Variants in SPP1 observed in about 807,000 individuals in gnomAD.
The protein encoded by SPP1 is secreted phosphoprotein 1, also known as osteopontin.
In SPP1, 18 loss-of-function variants were observed where a neutral mutation model predicts 20.8. The ratio of observed to expected loss-of-function variants is 0.87; its 90% CI spans 0.60 to 1.29. SPP1 has a LOEUF of 1.29. Among genes scored for constraint, SPP1 ranks in the 50% most tolerant of loss-of-function variants. The pLI, the probability that SPP1 is intolerant of heterozygous loss-of-function variation, is 0.00. For synonymous variants in SPP1, 146 were observed against 141.5 expected, an observed-to-expected ratio of 1.03 and a Z score of -0.23; for missense variants, 363 against 389.0, an observed-to-expected ratio of 0.93 and a Z score of 0.56.
intron 4 of SPP1, 93 bp downstream of exon 4, chr4:87,980,219 T>C (rs951881553): frequency 6.2e-5 from 93 of 1,488,228 alleles, no homozygotes; most frequent in Non-Finnish European, 8.6e-5. Context: ...GCCTGCCTGC[T>C]GGCAAACATG....
intron 3 of SPP1, chr4:87,978,169 A>G (rs1725464366): frequency 6.5e-6 from 1 of 153,048 alleles, no homozygotes; most frequent in Non-Finnish European, 1.5e-5. Context: ...GAAAATACAC[A>G]CTGGTTATCT....
chr4:87,978,528 G>C (rs981287301), intron 3 of SPP1, among the ~76,000 whole-genome samples: 5 of 151,070 alleles, frequency 3.3e-5, no homozygotes, highest in Admixed American at 6.6e-5. Flanking sequence ...GACTACAGGC[G>C]CCCGCCACCA....
Position 87,982,777 on chromosome 4 carries a change from CA to C in SPP1, c.827del (p.His276LeufsTer12). The C allele has an allele frequency of 6.2e-7, 1 of 1,614,118 alleles. No homozygotes were observed. The highest frequency in any genetic ancestry group is 8.5e-7 in the Non-Finnish European group (1 of 1,180,016). ...LSKVSREFHSHEFHSHEDMLV... is the reference protein window; with the variant it reads ...LSKVSREFHSXEFHSHEDMLV... ...CAAAGTCAGCCGTGAATTCCACAGC[CA>C]TGAATTTCACAGCCATGAAGATATG... On this transcript the variant is annotated frameshift_variant, in exon 7 of 7. Coordinates refer to ENST00000395080, the MANE Select transcript of SPP1 (RefSeq NM_001040058.2). LOFTEE classifies it low-confidence loss of function (END_TRUNC).
In SPP1 at chr4:87,981,503, A is replaced by T. The variant is rs1345786550; in HGVS notation, c.245A>T (p.His82Leu). The change falls in exon 6 of 7, where the codon CAT becomes CTT. Residue 82 changes from histidine to leucine, a missense_variant. Coordinates refer to ENST00000395080, the MANE Select transcript of SPP1 (RefSeq NM_001040058.2). The stretch of plus-strand genomic sequence containing the variant: ...CTTCCAAGTAAGTCCAACGAAAGCC[A>T]TGACCACATGGATGATATGGATGAT... ...ETLPSKSNESHDHMDDMDDED... is the reference protein window; with the variant it reads ...ETLPSKSNESLDHMDDMDDED... 5 of 1,614,198 alleles carry T rather than the reference A, an allele frequency of 3.1e-6. No homozygotes were observed. Among genetic ancestry groups the T allele is most frequent in the Non-Finnish European group, 4.2e-6 (5 of 1,180,032 alleles).
At position 87,982,691 on chromosome 4, in the gene SPP1, A is replaced by G; in HGVS notation, c.740A>G (p.Lys247Arg). 6.2e-6 allele frequency: 10 copies of G among 1,614,148 alleles called. No homozygotes were observed. Among genetic ancestry groups the G allele is most frequent in the Non-Finnish European group, 8.5e-6 (10 of 1,180,030 alleles). Reference sequence around the variant, plus strand: ...AGCCACAAGCAGTCCAGATTATATAAGCGGAAAGCCAATGATGAGAGCAAT... The same window carrying G: ...AGCCACAAGCAGTCCAGATTATATAGGCGGAAAGCCAATGATGAGAGCAAT... ...THSHKQSRLYKRKANDESNEH... is the reference protein window; with the variant it reads ...THSHKQSRLYRRKANDESNEH... The change falls in exon 7 of 7, where the codon AAG becomes AGG. Residue 247 changes from lysine to arginine, a missense_variant. Transcript: ENST00000395080.
At chr4:87,979,041 C>G (rs193040816) in intron 3 of SPP1, among the ~76,000 whole-genome samples, 1 of 152,118 alleles carries the variant, frequency 6.6e-6, no homozygotes, top group African/African-American at 2.4e-5. Context: ...CACCTTACAG[C>G]AATAGAACTT....
At chr4:87,980,015 T>A in intron 3 of SPP1, 31 bp from the exon 4 acceptor site, 3 of 1,608,618 alleles carry the variant, frequency 1.9e-6, no homozygotes, top group Non-Finnish European at 2.6e-6. Flanking sequence ...TTTCTTTTTT[T>A]AATAATGATA....
intron 6 of SPP1, 138 bp downstream of exon 6, chr4:87,981,936 C>A (rs1051708471): frequency 2.6e-6 from 2 of 768,452 alleles, no homozygotes; most frequent in Non-Finnish European, 4.1e-6. Flanking sequence ...ACTTTATGAC[C>A]ATTGAATACA....
Position 87,980,130 on chromosome 4 carries a change from T to G in SPP1, c.174+4T>G. ...GCAGAATCTCCTAGCCCCACAGGTA[T>G]TTTTAAACTTCTCATAATTAAACTA... On this transcript the variant is annotated splice_donor_region_variant and intron_variant, in intron 4 of 6. Transcript: ENST00000395080. The G allele has an allele frequency of 6.2e-7, 1 of 1,614,098 alleles. No individual in the cohort carries two copies. The highest frequency in any genetic ancestry group is 1.7e-5 in the Admixed American group (1 of 60,020).
rs140384900 is a variant in SPP1, at chr4:87,982,862, A to G, written c.911A>G (p.His304Arg). ...AAACACCTGAAATTTCGTATTTCTC[A>G]TGAATTAGATAGTGCATCTTCTGAG... ...EDKHLKFRIS[H>R]ELDSASSEVN The change falls in exon 7 of 7, where the codon CAT becomes CGT. Residue 304 changes from histidine (H) to arginine (R), a missense_variant. Transcript: ENST00000395080. 7 of 1,613,816 alleles carry G rather than the reference A, an allele frequency of 4.3e-6. No homozygotes were observed. Among genetic ancestry groups the G allele is most frequent in the Non-Finnish European group, 5.9e-6 (7 of 1,179,854 alleles).
chr4:87,977,404 G>A (rs1177984919), intron 3 of SPP1, among the ~76,000 whole-genome samples: 1 of 152,178 alleles, frequency 6.6e-6, no homozygotes, highest in African/African-American at 2.4e-5. Flanking sequence ...TCCACATACT[G>A]ATCTAAAAGC....
chr4:87,978,953 C>T (rs987730696), intron 3 of SPP1, among the ~76,000 whole-genome samples: 1 of 152,146 alleles, frequency 6.6e-6, no homozygotes, highest in African/African-American at 2.4e-5. Flanking sequence ...ATTTCCACTC[C>T]TTTGCAGTAG....
intron 5 of SPP1, among the ~76,000 whole-genome samples, chr4:87,981,104 T>TAAAAA (rs1725622243): frequency 6.6e-6 from 1 of 152,110 alleles, no homozygotes; most frequent in Admixed American, 6.5e-5. Flanking sequence ...TCATTTCAAA[T>TAAAAA]AAAAAAACCA....
rs748031580 is a variant in SPP1, at chr4:87,980,418, A to G, written c.200A>G (p.Asn67Ser). 16 of 1,614,014 alleles carry G rather than the reference A, an allele frequency of 9.9e-6. No homozygotes were observed. The highest frequency in any genetic ancestry group is 1.3e-5 in the African/African-American group (1 of 74,928). The change falls in exon 5 of 7, where the codon AAT (asparagine) becomes AGT (serine). Residue 67 changes from asparagine to serine, a missense_variant. Physicochemically the swap from Asn to Ser is conservative, Grantham distance 46. Coordinates refer to ENST00000395080, the MANE Select transcript of SPP1 (RefSeq NM_001040058.2). ...AATGCTGTGTCCTCTGAAGAAACCA[A>G]TGACTTTAAACAAGAGGTAAGTTCT... is the stretch of plus-strand genomic sequence containing the variant. ...PQNAVSSEET[N>S]DFKQETLPSK...
chr4:87,979,079 C>A (rs1725532540), intron 3 of SPP1, among the ~76,000 whole-genome samples: 1 of 151,698 alleles, frequency 6.6e-6, no homozygotes, highest in East Asian at 1.9e-4. Context: ...TATTATATTT[C>A]TACATTGGCT....
At chr4:87,978,246 T>TA (rs1406977083) in intron 3 of SPP1, among the ~76,000 whole-genome samples, 1 of 152,176 alleles carries the variant, frequency 6.6e-6, no homozygotes, top group East Asian at 1.9e-4. Flanking sequence ...TTCTTCATAT[T>TA]AGTTTTTAAA....
chr4:87,982,436 C>A, intron 6 of SPP1, 56 bp from the exon 7 acceptor site: 1 of 1,566,536 alleles, frequency 6.4e-7, no homozygotes, highest in East Asian at 2.2e-5. Context: ...AAAGGATTAC[C>A]ATATTCCCAT....
chr4:87,979,415 C>T (rs952175452), intron 3 of SPP1, among the ~76,000 whole-genome samples: 11 of 151,954 alleles, frequency 7.2e-5, no homozygotes, highest in Admixed American at 2.0e-4. Context: ...CCTCGTGATC[C>T]GCCTGCCTCG....
chr4:87,978,355 T>C (rs1725480578), intron 3 of SPP1, among the ~76,000 whole-genome samples: 1 of 151,572 alleles, frequency 6.6e-6, no homozygotes, highest in Non-Finnish European at 1.5e-5. Context: ...AGAAAAACTC[T>C]GAACTCATCT....
Sources: gnomAD v4.1 joint callset for allele counts (sites outside exome capture counted in the v4.1 genomes callset) on GRCh38, gnomAD v4.1.1 for gene constraint, MANE v1.5 for transcripts, NCBI Gene and HGNC (gene_info 2026-07-23, HGNC 2026-07-21) for gene names.